NAA35: variants seen among roughly 807,000 people sequenced by gnomAD.
NAA35 encodes the protein N-alpha-acetyltransferase 35, NatC auxiliary subunit, also known as MAK10 homolog, amino-acid N-acetyltransferase subunit.
NAA35 carries 18 observed loss-of-function variants against 101.7 expected under a neutral mutation model. The observed-to-expected ratio is 0.18, with a 90% CI of 0.12 to 0.26. The LOEUF (loss-of-function observed/expected upper bound fraction) is 0.26, where lower values mean the gene tolerates loss of function less well. Among genes scored for constraint, NAA35 ranks in the 10% least tolerant of loss-of-function variants. The pLI, the probability that NAA35 is intolerant of heterozygous loss-of-function variation, is 1.00. For missense variants in NAA35, 601 were observed against 886.8 expected, an observed-to-expected ratio of 0.68 and a Z score of 4.09; for synonymous variants, 267 against 273.1, an observed-to-expected ratio of 0.98 and a Z score of 0.22.
intron 6 of NAA35, 33 bp downstream of exon 6, chr9:85,962,213 A>T: frequency 6.2e-7 from 1 of 1,602,668 alleles, no homozygotes; most frequent in Non-Finnish European, 8.5e-7. Context: ...ATCCTTGGCC[A>T]GGTGCGGTGG....
chr9:85,964,016 C>T (rs931096377), intron 6 of NAA35, among the ~76,000 whole-genome samples: 10 of 151,622 alleles, frequency 6.6e-5, no homozygotes, highest in African/African-American at 2.2e-4. Context: ...CCATTGTTGG[C>T]AAAGATTAGA....
intron 17 of NAA35, 71 bp from the exon 18 acceptor site, chr9:86,016,468 G>A (rs1056911178): frequency 3.0e-5 from 37 of 1,253,270 alleles, no homozygotes; most frequent in East Asian, 5.1e-5. Flanking sequence ...AATATCTATC[G>A]TTAATATATG....
intron 17 of NAA35, among the ~76,000 whole-genome samples, chr9:86,015,420 T>C (rs1454663870): frequency 6.6e-6 from 1 of 152,104 alleles, no homozygotes; most frequent in Non-Finnish European, 1.5e-5. Context: ...ATGCATACGG[T>C]CCCTGAAGCA....
At chr9:85,953,961 G>T (rs1430152633) in intron 2 of NAA35, among the ~76,000 whole-genome samples, 2 of 152,160 alleles carry the variant, frequency 1.3e-5, no homozygotes, top group African/African-American at 2.4e-5. Context: ...CATGTTTTTT[G>T]ATTGTGAATA....
Position 85,975,573 on chromosome 9 carries a change from TTGTAC to T in NAA35, c.627+423_627+427del, listed in dbSNP as rs537384066. On this transcript the variant is annotated intron_variant, in intron 8 of 22. Coordinates refer to ENST00000361671, the MANE Select transcript of NAA35 (RefSeq NM_024635.4). The stretch of plus-strand genomic sequence containing the variant: ...TAATATGTAAATGCTATGTAAATAG[TTGTAC>T]TGTACTTTTAAAATTTGAATTTTTT... Among the ~76,000 whole-genome samples, 261 of 152,298 alleles carry T rather than the reference TTGTAC, an allele frequency of 1.7e-3. 1 individual carries two copies. Among genetic ancestry groups the T allele is most frequent in the Non-Finnish European group, 2.9e-3 (196 of 68,018 alleles).
intron 21 of NAA35, among the ~76,000 whole-genome samples, chr9:86,020,398 C>G (rs1036671660): frequency 3.3e-5 from 5 of 151,892 alleles, no homozygotes; most frequent in African/African-American, 1.2e-4. Flanking sequence ...TTTTGTTATT[C>G]AGGAAAGCAA....
rs955607088 is a variant in NAA35 at position 85,953,819 on chromosome 9, A to G, written c.125-2541A>G. 6.6e-5 allele frequency among the ~76,000 whole-genome samples: 10 copies of G among 152,148 alleles called. 1 individual carries two copies. The highest frequency in any genetic ancestry group is 4.6e-4 in the Admixed American group (7 of 15,262). Reference sequence around the variant, plus strand: ...TTGTGCCTGACTTTTTTCACTTAGCATAATGTCCTCAAGGTTAATCTATGT... The same window carrying G: ...TTGTGCCTGACTTTTTTCACTTAGCGTAATGTCCTCAAGGTTAATCTATGT... On this transcript the variant is annotated intron_variant, in intron 2 of 22. Coordinates refer to ENST00000361671, the MANE Select transcript of NAA35 (RefSeq NM_024635.4).
intron 11 of NAA35, among the ~76,000 whole-genome samples, chr9:85,986,218 A>C (rs986589357): frequency 6.6e-6 from 1 of 152,230 alleles, no homozygotes; most frequent in Non-Finnish European, 1.5e-5. Flanking sequence ...GACAATTATT[A>C]AACTTCAGAA....
At chr9:85,976,560 T>TC (rs1830221355) in intron 8 of NAA35, 125 bp from the exon 9 acceptor site, 1 of 606,446 alleles carries the variant, frequency 1.6e-6, no homozygotes, top group Non-Finnish European at 2.7e-6. Context: ...CGGCTTTTTT[T>TC]CCCCAACTAT....
intron 2 of NAA35, among the ~76,000 whole-genome samples, chr9:85,947,431 G>A (rs1199968556): frequency 6.6e-6 from 1 of 152,168 alleles, no homozygotes; most frequent in East Asian, 1.9e-4. Flanking sequence ...TGAATGGATG[G>A]AAATTGTCCT....
intron 13 of NAA35, among the ~76,000 whole-genome samples, chr9:86,004,305 A>G (rs1564319915): frequency 6.6e-6 from 1 of 152,008 alleles, no homozygotes; most frequent in African/African-American, 2.4e-5. Flanking sequence ...GGGTTTCACC[A>G]TGTTGGCCAG....
intron 14 of NAA35, 86 bp from the exon 15 acceptor site, chr9:86,009,779 C>A: frequency 1.1e-6 from 1 of 918,220 alleles, no homozygotes; most frequent in Non-Finnish European, 1.7e-6. Flanking sequence ...TATTCACCTT[C>A]TCTGTCATTT....
At chr9:85,942,407 A>T (rs1828564297) in intron 2 of NAA35, 124 bp downstream of exon 2, 2 of 1,301,252 alleles carry the variant, frequency 1.5e-6, no homozygotes, top group Non-Finnish European at 2.1e-6. Flanking sequence ...TTTGTTAGCC[A>T]CACTTATTCT....
In NAA35 at chr9:85,980,650, C is replaced by T. The variant is rs547251045; in HGVS notation, c.877+2269C>T. ...TTTGAGCACTTTTAGGCCAGGCACTCTCTTCTTGTGTATTGCCATGCTTGG... is the reference window on the plus strand; with the variant it reads ...TTTGAGCACTTTTAGGCCAGGCACTTTCTTCTTGTGTATTGCCATGCTTGG... On this transcript the variant is annotated intron_variant, in intron 11 of 22. Transcript: ENST00000361671. 2.0e-5 allele frequency among the ~76,000 whole-genome samples: 3 copies of T among 152,272 alleles called. No individual in the cohort carries two copies. In the East Asian group the frequency reaches 5.8e-4, roughly 29 times the overall value.
rs1831163636 is a variant in NAA35, at chr9:85,996,433, G to C, written c.912G>C (p.Val304=). The C allele has an allele frequency of 6.2e-7, 1 of 1,604,944 alleles. No individual in the cohort carries two copies. The highest frequency in any genetic ancestry group is 1.1e-5 in the South Asian group (1 of 88,724). The change falls in exon 12 of 23, where the codon GTG becomes GTC. Residue 304 remains valine (V), a synonymous_variant. Transcript: ENST00000361671. ...HPIMMGFEPL[V]NQRLLPPTFP... ...TTATGATGGGTTTTGAACCCCTTGT[G>C]AACCAGAGGCTACTTCCACCTACCT... is the stretch of plus-strand genomic sequence containing the variant.
intron 14 of NAA35, among the ~76,000 whole-genome samples, chr9:86,008,357 G>A (rs562765752): frequency 6.6e-6 from 1 of 152,210 alleles, no homozygotes; most frequent in African/African-American, 2.4e-5. Flanking sequence ...CCACTGCACC[G>A]GCCTAATATG....
intron 22 of NAA35, among the ~76,000 whole-genome samples, chr9:86,021,223 T>TA (rs997125679): frequency 1.3e-5 from 2 of 152,000 alleles, no homozygotes; most frequent in East Asian, 1.9e-4. Flanking sequence ...TAACTTGGGG[T>TA]AAAAAAAGAA....
chr9:86,010,738 T>C (rs1483983814), intron 15 of NAA35, among the ~76,000 whole-genome samples: 1 of 150,732 alleles, frequency 6.6e-6, no homozygotes, highest in Non-Finnish European at 1.5e-5. Flanking sequence ...CATGCCTGGC[T>C]AATTTTTTTT....
At chr9:85,978,117 T>A (rs1488514860) in intron 10 of NAA35, 150 bp from the exon 11 acceptor site, 2 of 534,576 alleles carry the variant, frequency 3.7e-6, no homozygotes, top group Non-Finnish European at 6.7e-6. Context: ...TAACAGGATC[T>A]GGACATCCTG....
Sources: allele counts gnomAD v4.1 joint callset (sites outside exome capture counted in the v4.1 genomes callset), GRCh38; gene constraint gnomAD v4.1.1; transcripts MANE v1.5; gene names NCBI Gene and HGNC (gene_info 2026-07-23, HGNC 2026-07-21).